TNFSF4: variants seen among roughly 807,000 people sequenced by gnomAD.
The protein encoded by TNFSF4 is tumor necrosis factor ligand superfamily member 4.
A neutral mutation model predicts 7.3 loss-of-function variants in TNFSF4; 4 were observed. The ratio of observed to expected loss-of-function variants is 0.55; its 90% CI spans 0.27 to 1.25. TNFSF4 has a LOEUF of 1.25. Among genes scored for constraint, TNFSF4 ranks in the 50% most tolerant of loss-of-function variants. TNFSF4 has a pLI of 0.12. For synonymous variants in TNFSF4, 76 were observed against 83.7 expected (o/e 0.91, Z 0.50); for missense variants, 181 against 208.8 (o/e 0.87, Z 0.82).
the TNFSF4 span, among the ~76,000 whole-genome samples, chr1:173,330,918 C>G: frequency 7.2e-6 from 1 of 139,342 alleles, no homozygotes; most frequent in East Asian, 2.1e-4. Flanking sequence ...GAGTTTCGCT[C>G]TTGTTGCCCA....
the TNFSF4 span, among the ~76,000 whole-genome samples, chr1:173,312,324 T>A: frequency 6.6e-6 from 1 of 152,122 alleles, no homozygotes; most frequent in Non-Finnish European, 1.5e-5. Context: ...ATCAGTTGCT[T>A]GAGACATTAT....
chr1:173,195,169 G>T (rs1411754788), intron 1 of TNFSF4, among the ~76,000 whole-genome samples: 6 of 152,040 alleles, frequency 3.9e-5, no homozygotes, highest in Non-Finnish European at 8.8e-5. Context: ...CCAAAAAAAA[G>T]CATTTATCTG....
the TNFSF4 span, among the ~76,000 whole-genome samples, chr1:173,369,486 A>T: frequency 1.3e-5 from 2 of 152,146 alleles, no homozygotes; most frequent in Admixed American, 1.3e-4. Context: ...CTGCTGCTTC[A>T]GTGAGCGCAA....
At chr1:173,337,008 T>C in the TNFSF4 span, among the ~76,000 whole-genome samples, 2 of 151,966 alleles carry the variant, frequency 1.3e-5, no homozygotes, top group Non-Finnish European at 2.9e-5. Flanking sequence ...TGAGTGGGGC[T>C]CCAAAAAAGG....
the TNFSF4 span, among the ~76,000 whole-genome samples, chr1:173,378,946 C>A: frequency 5.3e-5 from 8 of 152,044 alleles, no homozygotes; most frequent in Non-Finnish European, 1.0e-4. Context: ...TGGCCCATCC[C>A]GAGTACATGT....
chr1:173,244,417 C>T, the TNFSF4 span, among the ~76,000 whole-genome samples: 5 of 151,794 alleles, frequency 3.3e-5, no homozygotes, highest in South Asian at 2.1e-4. Flanking sequence ...CCGAGGTGGG[C>T]GGATCACGAG....
At chr1:173,204,002 G>C (rs917371054) in intron 1 of TNFSF4, among the ~76,000 whole-genome samples, 9 of 152,138 alleles carry the variant, frequency 5.9e-5, no homozygotes, top group African/African-American at 2.2e-4. Flanking sequence ...TATTCTTACA[G>C]GGCATTCACT....
chr1:173,442,233 G>T, the TNFSF4 span: 1 of 152,370 alleles, frequency 6.6e-6, no homozygotes, highest in African/African-American at 2.4e-5. Context: ...TAAATGCACA[G>T]TAAGTCCACG....
Position 173,186,823 on chromosome 1 carries a change from T to C in TNFSF4, c.245A>G (p.Glu82Gly). Reference sequence around the variant, plus strand: ...GTTCTGCACCTTCATGATTTCATCCTCCTTTTGGGAAGTGAGGATGAAACC... The same window carrying C: ...GTTCTGCACCTTCATGATTTCATCCCCCTTTTGGGAAGTGAGGATGAAACC... Reference protein sequence around the residue: ...EKGFILTSQKEDEIMKVQNNS... With the variant: ...EKGFILTSQKGDEIMKVQNNS... Residue 82 changes from glutamate to glycine, a missense_variant, in exon 3 of 3, where the codon GAG becomes GGG. By Grantham distance (98) the Glu-to-Gly change is moderately conservative. Coordinates refer to ENST00000281834, the MANE Select transcript of TNFSF4 (RefSeq NM_003326.5). 2 of 1,610,274 alleles carry C rather than the reference T, an allele frequency of 1.2e-6. No individual in the cohort carries two copies. The highest frequency in any genetic ancestry group is 1.7e-6 in the Non-Finnish European group (2 of 1,178,002).
the TNFSF4 span, among the ~76,000 whole-genome samples, chr1:173,397,190 G>A: frequency 6.6e-6 from 1 of 152,170 alleles, no homozygotes; most frequent in African/African-American, 2.4e-5. Context: ...AAAGTTCTAG[G>A]TTAAGTGAAC....
At chr1:173,188,881 T>G (rs1438853146) in intron 1 of TNFSF4, among the ~76,000 whole-genome samples, 1 of 151,938 alleles carries the variant, frequency 6.6e-6, no homozygotes, top group African/African-American at 2.4e-5. Flanking sequence ...CCTGATTAAT[T>G]TTTGTTTTTT....
At chr1:173,352,155 C>T in the TNFSF4 span, among the ~76,000 whole-genome samples, 2 of 152,340 alleles carry the variant, frequency 1.3e-5, no homozygotes, top group African/African-American at 4.8e-5. Flanking sequence ...AGACCTCAGA[C>T]ACTGGGTTCC....
At chr1:173,306,737 A>T in the TNFSF4 span, among the ~76,000 whole-genome samples, 118 of 151,988 alleles carry the variant, frequency 7.8e-4, no homozygotes, top group African/African-American at 2.6e-3. Flanking sequence ...TCTTTAGTGG[A>T]ATCTCATTCA....
chr1:173,218,851 T>C, the TNFSF4 span, among the ~76,000 whole-genome samples: 1 of 152,176 alleles, frequency 6.6e-6, no homozygotes, highest in Non-Finnish European at 1.5e-5. Context: ...ATATATGTAA[T>C]AGATTACATA....
intron 1 of TNFSF4, among the ~76,000 whole-genome samples, chr1:173,203,713 A>G (rs1301375017): frequency 6.6e-6 from 1 of 152,222 alleles, no homozygotes; most frequent in Non-Finnish European, 1.5e-5. Context: ...AACTGAAAAA[A>G]AGTGATAAGT....
At chr1:173,229,950 A>G in the TNFSF4 span, among the ~76,000 whole-genome samples, 59 of 152,320 alleles carry the variant, frequency 3.9e-4, no homozygotes, top group South Asian at 3.5e-3. Context: ...TTAGAGACCT[A>G]CAAAGAGACT....
the TNFSF4 span, among the ~76,000 whole-genome samples, chr1:173,290,321 C>T: frequency 1.1e-4 from 17 of 152,086 alleles, 1 homozygote; most frequent in Non-Finnish European, 2.9e-5. Context: ...GAGCAAGACC[C>T]GACTATCTAC....
At chr1:173,423,514 G>C in the TNFSF4 span, among the ~76,000 whole-genome samples, 11 of 152,152 alleles carry the variant, frequency 7.2e-5, no homozygotes, top group African/African-American at 2.7e-4. Flanking sequence ...GCAACTGTCA[G>C]CCTGTGTGGA....
chr1:173,261,603 CAAA>C, the TNFSF4 span, among the ~76,000 whole-genome samples: 1 of 151,710 alleles, frequency 6.6e-6, no homozygotes, highest in Non-Finnish European at 1.5e-5. Context: ...AAAAAGAAAA[CAAA>C]GAAGAATCAT....
Sources: allele counts gnomAD v4.1 joint callset (sites outside exome capture counted in the v4.1 genomes callset), GRCh38; gene constraint gnomAD v4.1.1; transcripts MANE v1.5; gene names NCBI Gene and HGNC (gene_info 2026-07-23, HGNC 2026-07-21).